NRXN3: variants seen among roughly 807,000 people sequenced by gnomAD.
NRXN3 encodes neurexin III.
In NRXN3, 32 loss-of-function variants were observed where a neutral mutation model predicts 137.6. That is an observed-to-expected ratio of 0.23 (90% confidence interval 0.18 to 0.31). NRXN3 has a LOEUF of 0.31. NRXN3 is among the 10% of genes least tolerant of loss of function. NRXN3 has a pLI of 1.00. For synonymous variants in NRXN3, 798 were observed against 784.5 expected (o/e 1.02, Z -0.29); for missense variants, 1,574 against 2,062.5 (o/e 0.76, Z 4.59).
chr14:78,906,351 C>G (rs916124383), intron 10 of NRXN3, among the ~76,000 whole-genome samples: 2 of 151,978 alleles, frequency 1.3e-5, no homozygotes, highest in Non-Finnish European at 2.9e-5. Flanking sequence ...CCCATGATTT[C>G]CCATATCTAC....
chr14:79,845,628 G>A (rs1356778752), intron 20 of NRXN3, among the ~76,000 whole-genome samples: 2 of 144,614 alleles, frequency 1.4e-5, no homozygotes, highest in East Asian at 3.9e-4. Context: ...GAGACGGGGA[G>A]AGAGACGGAG....
At chr14:79,089,856 T>C (rs2048836282) in intron 15 of NRXN3, among the ~76,000 whole-genome samples, 1 of 152,130 alleles carries the variant, frequency 6.6e-6, no homozygotes, top group African/African-American at 2.4e-5. Context: ...CCAGCTCACC[T>C]CTTGGCTTCT....
At chr14:78,205,301 G>T (rs908725022) in intron 1 of NRXN3, among the ~76,000 whole-genome samples, 11 of 152,194 alleles carry the variant, frequency 7.2e-5, no homozygotes, top group Non-Finnish European at 1.6e-4. Flanking sequence ...ATGGAGGTCT[G>T]GGGGGGATTA....
intron 4 of NRXN3, among the ~76,000 whole-genome samples, chr14:78,634,558 A>G (rs1251339219): frequency 6.6e-6 from 1 of 152,264 alleles, no homozygotes; most frequent in Non-Finnish European, 1.5e-5. Context: ...TTTCAAACAT[A>G]AAACATGTAG....
intron 15 of NRXN3, among the ~76,000 whole-genome samples, chr14:79,099,255 GTAAC>G (rs1357012330): frequency 6.6e-6 from 1 of 152,122 alleles, no homozygotes; most frequent in Non-Finnish European, 1.5e-5. Context: ...TATTTTTTGA[GTAAC>G]TGTCATTTCT....
At chr14:79,532,201 C>T (rs2097175668) in intron 16 of NRXN3, among the ~76,000 whole-genome samples, 1 of 152,060 alleles carries the variant, frequency 6.6e-6, no homozygotes, top group Admixed American at 6.6e-5. Flanking sequence ...ATATATGGAG[C>T]AAGAAATGAA....
At position 78,892,969 on chromosome 14, in the gene NRXN3, TC is replaced by T. The variant is rs1196716153; in HGVS notation, c.2276-64272del. ...GTGCTCTGAAGTGGTGCAGGTGGCC[TC>T]TTCTGATACTAATTCCAGCGTCTCA... On this transcript the variant is annotated intron_variant, in intron 10 of 20. Transcript: ENST00000335750. 3.3e-5 allele frequency among the ~76,000 whole-genome samples: 5 copies of T among 152,040 alleles called. No homozygotes were observed. The East Asian group carries it at 9.7e-4, about 30-fold the overall frequency.
chr14:79,174,095 G>A (rs2062057698), intron 15 of NRXN3, among the ~76,000 whole-genome samples: 1 of 152,126 alleles, frequency 6.6e-6, no homozygotes, highest in Non-Finnish European at 1.5e-5. Flanking sequence ...TAGCATTAGA[G>A]TTATTTTACT....
At chr14:78,258,438 G>T (rs1031518833) in intron 2 of NRXN3, among the ~76,000 whole-genome samples, 3 of 151,358 alleles carry the variant, frequency 2.0e-5, no homozygotes, top group Admixed American at 6.6e-5. Flanking sequence ...TGGCATTGGC[G>T]GGGGGAGGAT....
chr14:78,892,980 T>C (rs1479709927), intron 10 of NRXN3, among the ~76,000 whole-genome samples: 1 of 151,960 alleles, frequency 6.6e-6, no homozygotes, highest in Non-Finnish European at 1.5e-5. Context: ...CTTCTGATAC[T>C]AATTCCAGCG....
intron 4 of NRXN3, among the ~76,000 whole-genome samples, chr14:78,585,147 G>GC (rs1399373098): frequency 6.7e-6 from 1 of 148,852 alleles, no homozygotes; most frequent in African/African-American, 2.5e-5. Context: ...TAAGGGGGGG[G>GC]GGTGATTAAT....
intron 6 of NRXN3, among the ~76,000 whole-genome samples, chr14:78,699,876 G>A (rs2098262591): frequency 6.6e-6 from 1 of 152,152 alleles, no homozygotes; most frequent in Non-Finnish European, 1.5e-5. Context: ...TCTACTATGT[G>A]CCACACACTT....
At chr14:79,652,397 T>C (rs2153973589) in intron 16 of NRXN3, among the ~76,000 whole-genome samples, 1 of 150,418 alleles carries the variant, frequency 6.6e-6, no homozygotes, top group East Asian at 1.9e-4. Context: ...TATAAACTCA[T>C]GGATAATTTG....
chr14:78,471,758 C>T (rs902240936), intron 4 of NRXN3, among the ~76,000 whole-genome samples: 22 of 152,126 alleles, frequency 1.4e-4, no homozygotes, highest in Admixed American at 9.2e-4. Flanking sequence ...AGATCAGCTA[C>T]CCCCCTAGAA....
At chr14:78,881,641 A>G (rs965240495) in intron 10 of NRXN3, among the ~76,000 whole-genome samples, 16 of 151,690 alleles carry the variant, frequency 1.1e-4, no homozygotes, top group Admixed American at 7.2e-4. Context: ...TCAAGACGTG[A>G]CTTGGGTGCT....
intron 15 of NRXN3, among the ~76,000 whole-genome samples, chr14:79,243,254 T>C (rs1276417749): frequency 6.6e-6 from 1 of 152,164 alleles, no homozygotes; most frequent in Non-Finnish European, 1.5e-5. Context: ...TGCAATGATG[T>C]CATCTATAAT....
chr14:79,276,316 A>C (rs1461095409), intron 15 of NRXN3, among the ~76,000 whole-genome samples: 5 of 152,198 alleles, frequency 3.3e-5, no homozygotes. Flanking sequence ...TGAAAAAATT[A>C]ACAGTGGGGT....
chr14:79,831,053 C>A (rs546202087), intron 20 of NRXN3, among the ~76,000 whole-genome samples: 2 of 137,950 alleles, frequency 1.4e-5, no homozygotes, highest in Non-Finnish European at 3.3e-5. Flanking sequence ...CTTTAAAGAT[C>A]GACAGTCCTA....
chr14:79,838,026 C>G, intron 20 of NRXN3, among the ~76,000 whole-genome samples: 1 of 152,234 alleles, frequency 6.6e-6, no homozygotes, highest in South Asian at 2.1e-4. Context: ...CCAAGATAAG[C>G]AGTGTGTTCC....
Sources: gnomAD v4.1 joint callset for allele counts (sites outside exome capture counted in the v4.1 genomes callset) on GRCh38, gnomAD v4.1.1 for gene constraint, MANE v1.5 for transcripts, NCBI Gene and HGNC (gene_info 2026-07-23, HGNC 2026-07-21) for gene names.